The following LSAMP variants were observed in gnomAD, a reference collection of about 807,000 sequenced individuals.
LSAMP encodes the protein limbic system associated membrane protein, also known as limbic system-associated membrane protein.
A neutral mutation model predicts 38.6 loss-of-function variants in LSAMP; 7 were observed. The ratio of observed to expected loss-of-function variants is 0.18; its 90% CI spans 0.10 to 0.34. The LOEUF (loss-of-function observed/expected upper bound fraction) is 0.34. Among genes scored for constraint, LSAMP ranks in the 10% least tolerant of loss-of-function variants. The pLI is 1.00. For missense variants in LSAMP, 313 were observed against 420.0 expected (o/e 0.75, Z 2.23); for synonymous variants, 154 against 166.8 (o/e 0.92, Z 0.59).
chr3:116,055,700 C>T (rs1036907336), intron 2 of LSAMP, among the ~76,000 whole-genome samples: 5 of 152,074 alleles, frequency 3.3e-5, no homozygotes, highest in African/African-American at 9.7e-5. Flanking sequence ...CAGTCATTTT[C>T]GTAATCCTTC....
At chr3:116,291,394 T>C (rs866484601) in intron 1 of LSAMP, among the ~76,000 whole-genome samples, 11 of 152,286 alleles carry the variant, frequency 7.2e-5, no homozygotes, top group Middle Eastern at 3.4e-3. Flanking sequence ...CCAGATATGC[T>C]ACTAACAAAC....
At chr3:115,964,405 C>A (rs1257771516) in intron 3 of LSAMP, among the ~76,000 whole-genome samples, 1 of 152,120 alleles carries the variant, frequency 6.6e-6, no homozygotes, top group Non-Finnish European at 1.5e-5. Context: ...TACAGAAGTA[C>A]ATCCATGTAG....
At chr3:116,262,368 G>A (rs534855912) in intron 1 of LSAMP, among the ~76,000 whole-genome samples, 1 of 152,240 alleles carries the variant, frequency 6.6e-6, no homozygotes, top group African/African-American at 2.4e-5. Flanking sequence ...AGTCTTCTTG[G>A]GTGGTAAGGT....
At chr3:116,091,153 A>G (rs1029030170) in intron 1 of LSAMP, among the ~76,000 whole-genome samples, 1 of 152,208 alleles carries the variant, frequency 6.6e-6, no homozygotes, top group Non-Finnish European at 1.5e-5. Context: ...GGGACGTTCC[A>G]TGCTGAGAAA....
chr3:116,163,837 A>T (rs954545716), intron 1 of LSAMP, among the ~76,000 whole-genome samples: 6 of 152,028 alleles, frequency 3.9e-5, no homozygotes, highest in Admixed American at 3.3e-4. Context: ...TAATATCTGG[A>T]TTTCCTTCAT....
At chr3:116,093,343 T>A (rs546199992) in intron 1 of LSAMP, among the ~76,000 whole-genome samples, 2 of 152,226 alleles carry the variant, frequency 1.3e-5, no homozygotes, top group Non-Finnish European at 2.9e-5. Flanking sequence ...ATCCAAAATG[T>A]TGACAGGATC....
rs201582466 is a variant in LSAMP at position 116,388,863 on chromosome 3, TAAAC to T, written c.155+56010_155+56013del. Among the ~76,000 whole-genome samples, 699 of 151,654 alleles carry T rather than the reference TAAAC, an allele frequency of 4.6e-3. 9 individuals are homozygous for T. The highest frequency in any genetic ancestry group is 0.016 in the African/African-American group (656 of 41,356). ...AAATCAAGGCTGACGGCAGGCATCT[TAAAC>T]AAACAAACAAACAAAAAGCAACAAA... On this transcript the variant is annotated intron_variant, in intron 1 of 6. Transcript: ENST00000490035.
intron 3 of LSAMP, among the ~76,000 whole-genome samples, chr3:115,876,337 A>G (rs1936180250): frequency 6.7e-6 from 1 of 149,738 alleles, no homozygotes; most frequent in African/African-American, 2.5e-5. Flanking sequence ...GGGATCATTA[A>G]CTTTCCTTGA....
chr3:116,085,981 G>A (rs1164721359), intron 2 of LSAMP, among the ~76,000 whole-genome samples: 1 of 152,192 alleles, frequency 6.6e-6, no homozygotes. Flanking sequence ...ACCTAACAGG[G>A]TGGAAAAGTG....
At chr3:116,050,221 A>G (rs1389496432) in intron 2 of LSAMP, among the ~76,000 whole-genome samples, 1 of 152,088 alleles carries the variant, frequency 6.6e-6, no homozygotes, top group African/African-American at 2.4e-5. Flanking sequence ...AGTGCTTGTC[A>G]GAGGCTCTCT....
chr3:115,997,525 A>C (rs887412702), intron 3 of LSAMP, among the ~76,000 whole-genome samples: 1 of 151,312 alleles, frequency 6.6e-6, no homozygotes, highest in African/African-American at 2.4e-5. Flanking sequence ...TGATGAAAAG[A>C]ATGTGTGTGT....
At chr3:115,944,999 T>C (rs151117265) in intron 3 of LSAMP, among the ~76,000 whole-genome samples, 3 of 152,298 alleles carry the variant, frequency 2.0e-5, no homozygotes, top group East Asian at 3.9e-4. Flanking sequence ...ACCATTTTTT[T>C]TCTAGGAAGC....
At chr3:115,830,904 C>T (rs947426921) in intron 6 of LSAMP, among the ~76,000 whole-genome samples, 8 of 152,180 alleles carry the variant, frequency 5.3e-5, no homozygotes, top group Admixed American at 5.2e-4. Context: ...TGTTCTGATG[C>T]CAGGCCTGCC....
chr3:115,838,810 T>C (rs1559844294), intron 6 of LSAMP, among the ~76,000 whole-genome samples: 1 of 152,246 alleles, frequency 6.6e-6, no homozygotes, highest in Non-Finnish European at 1.5e-5. Flanking sequence ...TATGTATGCA[T>C]GTGACTGCAA....
At chr3:116,225,852 TAAC>T (rs951226835) in intron 1 of LSAMP, among the ~76,000 whole-genome samples, 124 of 152,094 alleles carry the variant, frequency 8.2e-4, no homozygotes, top group African/African-American at 2.8e-3. Context: ...TTAACTAAAA[TAAC>T]AATCAGTTTT....
chr3:115,859,776 T>TA lies in LSAMP; in HGVS notation c.515-7160dup, dbSNP rs371763108. 2.3e-4 allele frequency among the ~76,000 whole-genome samples: 35 copies of TA among 152,218 alleles called. 1 individual carries two copies. The highest frequency in any genetic ancestry group is 4.1e-4 in the South Asian group (2 of 4,828). ...TGATTTGCATTTTTGCTTTCACATA[T>TA]AAAAAATAAGCCAGCTGAAATAGTT... On this transcript the variant is annotated intron_variant, in intron 3 of 6. Transcript: ENST00000490035.
At chr3:116,099,054 T>C (rs1708287667) in intron 1 of LSAMP, among the ~76,000 whole-genome samples, 1 of 152,194 alleles carries the variant, frequency 6.6e-6, no homozygotes, top group Non-Finnish European at 1.5e-5. Context: ...TATCTGGATT[T>C]GGAAGAGAGA....
chr3:116,406,875 G>C (rs995261462), intron 1 of LSAMP, among the ~76,000 whole-genome samples: 4 of 151,898 alleles, frequency 2.6e-5, no homozygotes, highest in African/African-American at 9.7e-5. Context: ...AAAGGAAGAG[G>C]AGGCCTAGAA....
intron 1 of LSAMP, among the ~76,000 whole-genome samples, chr3:116,166,928 C>T (rs1045114049): frequency 4.6e-5 from 7 of 151,406 alleles, no homozygotes; most frequent in Non-Finnish European, 1.0e-4. Flanking sequence ...GTAGCTAGGA[C>T]TACAGGCGCC....
Sources: allele counts gnomAD v4.1 joint callset (sites outside exome capture counted in the v4.1 genomes callset), GRCh38; gene constraint gnomAD v4.1.1; transcripts MANE v1.5; gene names NCBI Gene and HGNC (gene_info 2026-07-23, HGNC 2026-07-21).